The following TMEM132C variants were observed in gnomAD, a reference collection of about 807,000 sequenced individuals.
The protein encoded by TMEM132C is protein phosphatase 1, regulatory subunit 152.
Under a neutral mutation model 61.4 loss-of-function variants are expected in TMEM132C, and 29 were observed. The observed-to-expected ratio is 0.47, with a 90% CI of 0.35 to 0.64. TMEM132C has a LOEUF of 0.64. Ranked by LOEUF, TMEM132C falls within the 30% of genes least tolerant of loss-of-function variation. TMEM132C has a pLI of 0.00. For synonymous variants in TMEM132C, 656 were observed against 633.1 expected (o/e 1.04, Z -0.54); for missense variants, 1,408 against 1,476.9 (o/e 0.95, Z 0.76).
chr12:128,406,867 C>T (rs1023798740), intron 1 of TMEM132C, among the ~76,000 whole-genome samples: 1 of 152,170 alleles, frequency 6.6e-6, no homozygotes, highest in Non-Finnish European at 1.5e-5. Flanking sequence ...ACCACACAGC[C>T]AGGCATGAGT....
At chr12:128,501,962 A>G (rs956623846) in intron 2 of TMEM132C, among the ~76,000 whole-genome samples, 2 of 152,168 alleles carry the variant, frequency 1.3e-5, no homozygotes, top group African/African-American at 4.8e-5. Flanking sequence ...CTGAGTACCA[A>G]TCCTCTAAAT....
intron 2 of TMEM132C, among the ~76,000 whole-genome samples, chr12:128,473,258 T>G (rs1358891306): frequency 2.4e-4 from 37 of 152,114 alleles, no homozygotes; most frequent in South Asian, 1.3e-3. Context: ...ATCTTCATCC[T>G]CACTCCAACC....
intron 1 of TMEM132C, among the ~76,000 whole-genome samples, chr12:128,396,815 C>A (rs1874974167): frequency 6.6e-6 from 1 of 152,220 alleles, no homozygotes; most frequent in South Asian, 2.1e-4. Context: ...GCCCTCTCCA[C>A]AGAGCCCTAT....
chr12:128,339,453 T>C (rs1377783248), intron 1 of TMEM132C, among the ~76,000 whole-genome samples: 1 of 151,964 alleles, frequency 6.6e-6, no homozygotes, highest in Non-Finnish European at 1.5e-5. Flanking sequence ...CAGCACAGCG[T>C]GTTCCTAGGA....
chr12:128,381,451 A>T (rs1330062679), intron 1 of TMEM132C, among the ~76,000 whole-genome samples: 1 of 152,104 alleles, frequency 6.6e-6, no homozygotes, highest in Non-Finnish European at 1.5e-5. Flanking sequence ...CTTCAGGGAG[A>T]AGCGGCTTTC....
intron 3 of TMEM132C, among the ~76,000 whole-genome samples, chr12:128,584,554 A>C (rs1875466849): frequency 6.6e-6 from 1 of 152,236 alleles, no homozygotes; most frequent in Middle Eastern, 3.4e-3. Context: ...CTGTGCTGCG[A>C]ATGGTCTGTA....
intron 4 of TMEM132C, among the ~76,000 whole-genome samples, chr12:128,652,046 G>C (rs1954276173): frequency 6.6e-6 from 1 of 152,176 alleles, no homozygotes; most frequent in Admixed American, 6.5e-5. Context: ...CAGTCCAGAA[G>C]TCACATGCCT....
chr12:128,620,121 C>T (rs1953947922), intron 4 of TMEM132C, among the ~76,000 whole-genome samples: 1 of 150,880 alleles, frequency 6.6e-6, no homozygotes, highest in Non-Finnish European at 1.5e-5. Context: ...AGACCCAGCT[C>T]CTAGGGAGGC....
In TMEM132C at chr12:128,346,789, A is replaced by C. The variant is rs575849073; in HGVS notation, c.86-67943A>C. The stretch of plus-strand genomic sequence containing the variant: ...GATCTTGGCACCCTCGTCAAAAATA[A>C]ATTGACCGTAAGTGCGAGGGTTTGT... On this transcript the variant is annotated intron_variant, in intron 1 of 8. Transcript: ENST00000435159. 8.5e-5 allele frequency among the ~76,000 whole-genome samples: 13 copies of C among 152,288 alleles called. No individual in the cohort carries two copies. The South Asian group carries it at 2.7e-3, about 32-fold the overall frequency.
At chr12:128,614,229 AG>A (rs1158342128) in intron 3 of TMEM132C, among the ~76,000 whole-genome samples, 1 of 152,208 alleles carries the variant, frequency 6.6e-6, no homozygotes, top group Non-Finnish European at 1.5e-5. Flanking sequence ...TACTGGCAAA[AG>A]TTTTCTGTAA....
At chr12:128,478,006 G>A (rs1871205234) in intron 2 of TMEM132C, among the ~76,000 whole-genome samples, 1 of 152,160 alleles carries the variant, frequency 6.6e-6, no homozygotes, top group East Asian at 1.9e-4. Context: ...CAAGACAAAG[G>A]CATTTTCTCA....
chr12:128,435,890 T>G (rs1869571593), intron 2 of TMEM132C, among the ~76,000 whole-genome samples: 1 of 152,122 alleles, frequency 6.6e-6, no homozygotes, highest in Non-Finnish European at 1.5e-5. Context: ...CTACCTGACT[T>G]CAAACTATAC....
At chr12:128,387,278 A>T (rs1874616519) in intron 1 of TMEM132C, among the ~76,000 whole-genome samples, 1 of 152,086 alleles carries the variant, frequency 6.6e-6, no homozygotes, top group Non-Finnish European at 1.5e-5. Context: ...TCCTGAGCTG[A>T]GCCTTACCTC....
intron 3 of TMEM132C, among the ~76,000 whole-genome samples, chr12:128,609,163 A>ACTGTAACTCCCTCCTCCCTGCAACC (rs879574484): frequency 3.2e-4 from 12 of 37,376 alleles, no homozygotes; most frequent in African/African-American, 1.1e-3. Context: ...TCCCTGCAAC[A>ACTGTAACTCCCTCCTCCCTGCAACC]CTGTAACCCC....
At chr12:128,370,508 A>G (rs1873997503) in intron 1 of TMEM132C, among the ~76,000 whole-genome samples, 1 of 151,864 alleles carries the variant, frequency 6.6e-6, no homozygotes, top group South Asian at 2.1e-4. Flanking sequence ...CAAGGAGAGT[A>G]GTGTTTCTAG....
intron 2 of TMEM132C, among the ~76,000 whole-genome samples, chr12:128,434,918 G>A (rs1471577357): frequency 5.9e-5 from 9 of 152,102 alleles, no homozygotes; most frequent in South Asian, 2.1e-4. Flanking sequence ...CACCGCAGCC[G>A]GCCCATATAA....
intron 3 of TMEM132C, among the ~76,000 whole-genome samples, chr12:128,560,265 C>T (rs1201978039): frequency 6.6e-6 from 1 of 152,180 alleles, no homozygotes; most frequent in African/African-American, 2.4e-5. Flanking sequence ...CAGGGAACTT[C>T]CTGTTGGCTC....
Position 128,301,749 on chromosome 12 carries a change from T to C in TMEM132C, c.85+34262T>C, listed in dbSNP as rs114018094. Among the ~76,000 whole-genome samples, 589 of 152,288 alleles carry C rather than the reference T, an allele frequency of 3.9e-3. 1 individual carries two copies. The highest frequency in any genetic ancestry group is 0.013 in the African/African-American group (551 of 41,574). ...CTGGTGTCCTGTGAAGGTAGCTGACTAAGGTATTGTATTAGTCCATTTTCA... is the reference window on the plus strand; with the variant it reads ...CTGGTGTCCTGTGAAGGTAGCTGACCAAGGTATTGTATTAGTCCATTTTCA... On this transcript the variant is annotated intron_variant, in intron 1 of 8. Transcript: ENST00000435159.
intron 1 of TMEM132C, among the ~76,000 whole-genome samples, chr12:128,408,424 C>T (rs961764940): frequency 6.6e-6 from 1 of 152,110 alleles, no homozygotes. Context: ...ATCCTGTGCC[C>T]CGCCCCTTCA....
Sources: gnomAD v4.1 joint callset for allele counts (sites outside exome capture counted in the v4.1 genomes callset) on GRCh38, gnomAD v4.1.1 for gene constraint, MANE v1.5 for transcripts, NCBI Gene and HGNC (gene_info 2026-07-23, HGNC 2026-07-21) for gene names.